The following NUDT12 variants were observed in gnomAD, a reference collection of about 807,000 sequenced individuals.
NUDT12 encodes the protein NAD-capped RNA hydrolase NUDT12.
Under a neutral mutation model 45.7 loss-of-function variants are expected in NUDT12, and 42 were observed. The ratio of observed to expected loss-of-function variants is 0.92; its 90% CI spans 0.72 to 1.19. The LOEUF (loss-of-function observed/expected upper bound fraction) is 1.19, where lower values mean the gene tolerates loss of function less well. Ranked by LOEUF, NUDT12 falls within the 50% of genes most tolerant of loss-of-function variation. The probability of loss-of-function intolerance (pLI) is 0.00; values close to 1 mark genes in which losing one functional copy is unlikely to be tolerated. For missense variants in NUDT12, 590 were observed against 533.1 expected (o/e 1.11, Z -1.05); for synonymous variants, 206 against 179.7 (o/e 1.15, Z -1.17).
At chr5:103,557,263 C>A (rs1748850143) in intron 3 of NUDT12, among the ~76,000 whole-genome samples, 1 of 79,440 alleles carries the variant, frequency 1.3e-5, no homozygotes, top group Non-Finnish European at 2.7e-5. Context: ...TTTATCAGAT[C>A]TTTTTGATCT....
chr5:103,555,400 A>G (rs1410809653), intron 4 of NUDT12, among the ~76,000 whole-genome samples: 1 of 152,042 alleles, frequency 6.6e-6, no homozygotes, highest in East Asian at 1.9e-4. Flanking sequence ...AAGGCTCTTG[A>G]GCAACAAAAA....
At chr5:103,559,722 C>T in intron 2 of NUDT12, 2 of 462,814 alleles carry the variant, frequency 4.3e-6, no homozygotes, top group Non-Finnish European at 3.8e-6. Flanking sequence ...CAGTATTAAG[C>T]TTTATGCACT....
chr5:103,560,709 C>G (rs1749006841), intron 1 of NUDT12, among the ~76,000 whole-genome samples: 1 of 152,110 alleles, frequency 6.6e-6, no homozygotes, highest in African/African-American at 2.4e-5. Flanking sequence ...TGTAATCCAT[C>G]TAGGATCTAT....
chr5:103,554,646 CATG>C, intron 5 of NUDT12, 91 bp downstream of exon 5: 1 of 426,654 alleles, frequency 2.3e-6, no homozygotes, highest in Non-Finnish European at 4.1e-6. Context: ...AGTTTTATAA[CATG>C]ATAATTTATC....
At chr5:103,561,411 CT>C (rs1304378852) in intron 1 of NUDT12, among the ~76,000 whole-genome samples, 2 of 152,110 alleles carry the variant, frequency 1.3e-5, no homozygotes, top group Non-Finnish European at 2.9e-5. Flanking sequence ...CTATTTGTGT[CT>C]TTCTGCTACT....
rs746268864 is a variant in NUDT12 at position 103,554,896 on chromosome 5, G to A, written c.965-43C>T. The A allele has an allele frequency of 2.7e-5, 20 of 749,056 alleles. No individual in the cohort carries two copies. The East Asian group carries it at 5.7e-4, about 21-fold the overall frequency. 46.4% of individuals were successfully genotyped at this position (749,056 alleles called of 1,614,324 possible). On this transcript the variant is annotated intron_variant, in intron 4 of 6. Coordinates refer to ENST00000230792, the MANE Select transcript of NUDT12 (RefSeq NM_031438.4). Reference sequence around the variant, plus strand: ...CAGATACATGAATGGCAGGAAAAACGAATTTAGATTCATTGTACAAACACT... The same window carrying A: ...CAGATACATGAATGGCAGGAAAAACAAATTTAGATTCATTGTACAAACACT...
rs550025072 is a variant in NUDT12 at position 103,555,373 on chromosome 5, CT to C, written c.965-521del. Among the ~76,000 whole-genome samples the C allele has an allele frequency of 3.7e-4, 57 of 152,102 alleles. No individual in the cohort carries two copies. In the East Asian group the frequency reaches 8.1e-3, roughly 22 times the overall value. On this transcript the variant is annotated intron_variant, in intron 4 of 6. Coordinates refer to ENST00000230792, the MANE Select transcript of NUDT12 (RefSeq NM_031438.4). ...CTTCTCACTATATCATGACCAAGAA[CT>C]AGGAATTAAATGTAAAAGGCTCTTG...
In NUDT12 at chr5:103,558,969, C is replaced by T. The variant is rs151201594; in HGVS notation, c.706G>A (p.Ala236Thr). The T allele has an allele frequency of 3.1e-6, 5 of 1,613,050 alleles. No individual in the cohort carries two copies. The highest frequency in any genetic ancestry group is 2.5e-6 in the Non-Finnish European group (3 of 1,179,442). Residue 236 changes from alanine to threonine, a missense_variant, in exon 3 of 7, where the codon GCT becomes ACT. Physicochemically the swap from Ala to Thr is moderately conservative, Grantham distance 58. Coordinates refer to ENST00000230792, the MANE Select transcript of NUDT12 (RefSeq NM_031438.4). Reference sequence around the variant, plus strand: ...TGTCTTTGCTTGAATTCTTCAGCAGCAATAGGATCTATACCTAGAGCAAAC... The same window carrying T: ...TGTCTTTGCTTGAATTCTTCAGCAGTAATAGGATCTATACCTAGAGCAAAC... ...AWFALGIDPI[A>T]AEEFKQRHEN...
chr5:103,557,200 G>T (rs1004665121), intron 3 of NUDT12, among the ~76,000 whole-genome samples: 1 of 148,554 alleles, frequency 6.7e-6, no homozygotes, highest in Non-Finnish European at 1.5e-5. Flanking sequence ...TAGAGCAAGT[G>T]AGTTAAAAGG....
chr5:103,555,938 TG>T lies in NUDT12; in HGVS notation c.956del (p.Pro319GlnfsTer6), dbSNP rs1189905535. 1.3e-6 allele frequency: 2 copies of T among 1,570,362 alleles called. No homozygotes were observed. The highest frequency in any genetic ancestry group is 1.7e-6 in the Non-Finnish European group (2 of 1,159,254). ...SLNGVHNTSYPRVDPVVIMQV... is the reference protein window; with the variant it reads ...SLNGVHNTSYXRVDPVVIMQV... The stretch of plus-strand genomic sequence containing the variant: ...ATAAAATAAAGGGCTTACCAACTCT[TG>T]GGTATGAGGTATTATGGACGCCATT... On this transcript the variant is annotated frameshift_variant, in exon 4 of 7. Transcript: ENST00000230792. LOFTEE classifies it high-confidence loss of function.
In NUDT12 at chr5:103,560,091, G is replaced by A. The variant is rs759740819; in HGVS notation, c.158C>T (p.Ala53Val). ...SENGWTALMY[A>V]ARNGHPEIVQ... is the part of the protein sequence containing the mutation. ...TATCTCTGGGTGCCCATTCCTTGCC[G>A]CATACATTAAAGCAGTCCAGCCATT... Residue 53 changes from alanine (A) to valine (V), a missense_variant, in exon 2 of 7, where the codon GCG becomes GTG. Coordinates refer to ENST00000230792, the MANE Select transcript of NUDT12 (RefSeq NM_031438.4). The A allele has an allele frequency of 2.4e-5, 39 of 1,613,688 alleles. 1 individual carries two copies. Among genetic ancestry groups the A allele is most frequent in the South Asian group, 1.1e-4 (10 of 91,062 alleles).
In NUDT12 at chr5:103,549,121, T is replaced by C. The variant is rs901029492; in HGVS notation, c.*1740A>G. 6.6e-6 allele frequency: 1 copy of C among 152,112 alleles called. No individual in the cohort carries two copies. The highest frequency in any genetic ancestry group is 1.5e-5 in the Non-Finnish European group (1 of 67,952). 9.4% of individuals were successfully genotyped at this position (152,112 alleles called of 1,614,324 possible). A position where few individuals can be genotyped will look rare whatever the true frequency, so the allele number is the denominator to read the frequency against. On this transcript the variant is annotated 3_prime_UTR_variant, in exon 7 of 7. Transcript: ENST00000230792. ...ATTCTACTTTCCTATTTTAACATTA[T>C]GAAAACCTGGAATTTTACAATGTAA...
chr5:103,555,371 A>G (rs975275348), intron 4 of NUDT12, among the ~76,000 whole-genome samples: 1 of 152,046 alleles, frequency 6.6e-6, no homozygotes, highest in African/African-American at 2.4e-5. Flanking sequence ...CATGACCAAG[A>G]ACTAGGAATT....
At position 103,552,327 on chromosome 5, in the gene NUDT12, A is replaced by T; in HGVS notation, c.1168T>A (p.Trp390Arg). Reference sequence around the variant, plus strand: ...ATCATTAAGGAGGAAGGCATTGGCCATGGTTGACAAGCAACATACTGAACA... The same window carrying T: ...ATCATTAAGGAGGAAGGCATTGGCCTTGGTTGACAAGCAACATACTGAACA... ...GHVQYVACQP[W>R]PMPSSLMIGC... Residue 390 changes from tryptophan (W) to arginine (R), a missense_variant, in exon 6 of 7, where the codon TGG becomes AGG. Physicochemically the swap from Trp to Arg is moderately radical, Grantham distance 101 (BLOSUM62 -3). Transcript: ENST00000230792. The T allele has an allele frequency of 6.2e-7, 1 of 1,613,974 alleles. No individual in the cohort carries two copies. Among genetic ancestry groups the T allele is most frequent in the Non-Finnish European group, 8.5e-7 (1 of 1,179,896 alleles).
At chr5:103,554,307 C>T (rs1314968430) in intron 5 of NUDT12, among the ~76,000 whole-genome samples, 8 of 151,820 alleles carry the variant, frequency 5.3e-5, no homozygotes, top group Non-Finnish European at 8.8e-5. Flanking sequence ...TACTTACATA[C>T]GGTATTAGGT....
rs1748624706 is a variant in NUDT12, at chr5:103,550,682, A to G, written c.*179T>C. ...TTAACATAATCTGAGGCAATATTGT[A>G]AAAATGTGTAAAAATATGAATTTGT... On this transcript the variant is annotated 3_prime_UTR_variant, in exon 7 of 7. Coordinates refer to ENST00000230792, the MANE Select transcript of NUDT12 (RefSeq NM_031438.4). 2.2e-6 allele frequency: 1 copy of G among 452,706 alleles called. No individual in the cohort carries two copies. Among genetic ancestry groups the G allele is most frequent in the East Asian group, 3.3e-5 (1 of 30,372 alleles). 28.0% of individuals were successfully genotyped at this position (452,706 alleles called of 1,614,324 possible). A position where few individuals can be genotyped will look rare whatever the true frequency, so the allele number is the denominator to read the frequency against.
rs149645740 is a variant in NUDT12, at chr5:103,555,991, A to G, written c.904T>C (p.Cys302Arg). 13 of 1,610,962 alleles carry G rather than the reference A, an allele frequency of 8.1e-6. No individual in the cohort carries two copies. The African/African-American group carries it at 1.5e-4, about 18-fold the overall frequency. ...AGACTAGGACAGTCTTCTTTTAAAC[A>G]TAATCTCTTATAGCCACCTTCTTCA... ...KIEEGGYKRL[C>R]LKEDCPSLNG... The change falls in exon 4 of 7, where the codon TGT (cysteine) becomes CGT (arginine). Residue 302 changes from cysteine (C) to arginine (R), a missense_variant. Transcript: ENST00000230792.
In NUDT12 at chr5:103,550,653, A is replaced by G. The variant is rs1275579418; in HGVS notation, c.*208T>C. On this transcript the variant is annotated 3_prime_UTR_variant, in exon 7 of 7. Coordinates refer to ENST00000230792, the MANE Select transcript of NUDT12 (RefSeq NM_031438.4). ...GAAAAAGTTCAGAGAAGACTGACCC[A>G]AATTTAACATAATCTGAGGCAATAT... 1 of 392,194 alleles carries G rather than the reference A, an allele frequency of 2.5e-6. No individual in the cohort carries two copies. Among genetic ancestry groups the G allele is most frequent in the African/African-American group, 2.0e-5 (1 of 49,414 alleles). The allele number at this position is 392,194 out of a possible 1,614,324, so 24.3% of individuals were successfully genotyped here.
chr5:103,557,965 G>C (rs1454571618), intron 3 of NUDT12, among the ~76,000 whole-genome samples: 1 of 151,822 alleles, frequency 6.6e-6, no homozygotes, highest in Non-Finnish European at 1.5e-5. Flanking sequence ...GTAAACTCTT[G>C]ATTTTTTTAA....
Sources: gnomAD v4.1 joint callset for allele counts (sites outside exome capture counted in the v4.1 genomes callset) on GRCh38, gnomAD v4.1.1 for gene constraint, MANE v1.5 for transcripts, NCBI Gene and HGNC (gene_info 2026-07-23, HGNC 2026-07-21) for gene names.